The following KIF15 variants were observed in gnomAD, a reference collection of about 807,000 sequenced individuals.
KIF15 encodes kinesin-like protein KIF15.
Under a neutral mutation model 190.6 loss-of-function variants are expected in KIF15, and 140 were observed. The ratio of observed to expected loss-of-function variants is 0.73; its 90% CI spans 0.64 to 0.84. The LOEUF is 0.84. Ranked by LOEUF, KIF15 falls within the 40% of genes least tolerant of loss-of-function variation. The probability of loss-of-function intolerance (pLI) is 0.00; values close to 1 mark genes in which losing one functional copy is unlikely to be tolerated. For synonymous variants in KIF15, 528 were observed against 551.3 expected (o/e 0.96, Z 0.59); for missense variants, 1,372 against 1,584.4 (o/e 0.87, Z 2.28).
intron 6 of KIF15, among the ~76,000 whole-genome samples, chr3:44,866,568 C>G (rs2125741317): frequency 1.3e-5 from 2 of 152,318 alleles, no homozygotes; most frequent in Middle Eastern, 3.4e-3. Context: ...CATACATTTC[C>G]TGCAGTTGAG....
intron 5 of KIF15, among the ~76,000 whole-genome samples, chr3:44,782,316 C>A (rs1385741877): frequency 6.6e-6 from 1 of 152,206 alleles, no homozygotes; most frequent in East Asian, 1.9e-4. Context: ...CCTGCCTCGG[C>A]CTCCCAAAGT....
rs1575579026 is a variant in KIF15 at position 44,775,196 on chromosome 3, C to A, written c.63-58C>A. On this transcript the variant is annotated intron_variant, in intron 2 of 34. Coordinates refer to ENST00000326047, the MANE Select transcript of KIF15 (RefSeq NM_020242.3). ...TTATAGGCAATATGAGACTTGGATC[C>A]TTTTTCAGTTTTCTTCTTCAATAAA... The A allele has an allele frequency of 8.6e-6, 12 of 1,397,018 alleles. No individual in the cohort carries two copies. The East Asian group carries it at 1.4e-4, about 16-fold the overall frequency. The allele number at this position is 1,397,018 out of a possible 1,614,324, so 86.5% of individuals were successfully genotyped here.
intron 8 of KIF15, among the ~76,000 whole-genome samples, chr3:44,794,833 G>A (rs571086207): frequency 1.8e-4 from 28 of 152,006 alleles, no homozygotes; most frequent in Non-Finnish European, 3.8e-4. Flanking sequence ...GTGGTGATGC[G>A]CGCCTGTAGT....
chr3:44,766,259 A>G (rs1705369908), intron 1 of KIF15, among the ~76,000 whole-genome samples: 1 of 152,054 alleles, frequency 6.6e-6, no homozygotes, highest in South Asian at 2.1e-4. Context: ...TGGGGACTTG[A>G]GTTGGGGATG....
At chr3:44,827,648 G>A (rs568551013) in intron 23 of KIF15, 120 bp downstream of exon 23, 1 of 555,156 alleles carries the variant, frequency 1.8e-6, no homozygotes, top group Non-Finnish European at 3.2e-6. Context: ...AGAAAGAAAT[G>A]GAATTTGGGG....
Position 44,852,784 on chromosome 3 carries a change from C to G in KIF15, c.*49C>G. On this transcript the variant is annotated 3_prime_UTR_variant, in exon 35 of 35. Transcript: ENST00000326047. ...ATCACCTTGTTTGAAGATGTTTCTT[C>G]TCTTTTACAAGTAAGACCTACTCCT... The G allele has an allele frequency of 2.7e-6, 4 of 1,485,200 alleles. No individual in the cohort carries two copies. Among genetic ancestry groups the G allele is most frequent in the Non-Finnish European group, 3.7e-6 (4 of 1,088,952 alleles). The allele number at this position is 1,485,200 out of a possible 1,614,324, so 92.0% of individuals were successfully genotyped here. A position where few individuals can be genotyped will look rare whatever the true frequency, so the allele number is the denominator to read the frequency against.
At chr3:44,861,648 T>C (rs1036925348) in intron 6 of KIF15, among the ~76,000 whole-genome samples, 11 of 152,218 alleles carry the variant, frequency 7.2e-5, no homozygotes, top group Non-Finnish European at 1.2e-4. Context: ...AAGTTTACCT[T>C]CTACCACAGC....
rs1230781549 is a variant in KIF15 at position 44,827,475 on chromosome 3, C to A, written c.2803C>A (p.Leu935Ile). 4.3e-6 allele frequency: 7 copies of A among 1,611,428 alleles called. No individual in the cohort carries two copies. Among genetic ancestry groups the A allele is most frequent in the Non-Finnish European group, 5.9e-6 (7 of 1,178,250 alleles). ...ENSSKEILKV[L>I]EAVRQEKQKE... ...CTCTTCCAGAGAAATCTTAAAAGTTCTTGAGGCTGTACGTCAGGAGAAACA... is the reference window on the plus strand; with the variant it reads ...CTCTTCCAGAGAAATCTTAAAAGTTATTGAGGCTGTACGTCAGGAGAAACA... Residue 935 changes from leucine (L) to isoleucine (I), a missense_variant, in exon 23 of 35, where the codon CTT (leucine) becomes ATT (isoleucine). Physicochemically the swap from Leu to Ile is conservative, Grantham distance 5. Coordinates refer to ENST00000326047, the MANE Select transcript of KIF15 (RefSeq NM_020242.3).
At chr3:44,833,764 AAT>A (rs1291183119) in intron 26 of KIF15, among the ~76,000 whole-genome samples, 4 of 152,180 alleles carry the variant, frequency 2.6e-5, no homozygotes, top group Non-Finnish European at 5.9e-5. Flanking sequence ...GAACTGAGGT[AAT>A]ACATGGAAAG....
chr3:44,794,108 T>TA, intron 7 of KIF15, 109 bp from the exon 8 acceptor site: 1 of 831,220 alleles, frequency 1.2e-6, no homozygotes, highest in Admixed American at 2.3e-5. Context: ...CTTGAATTCC[T>TA]ATCCACAAGT....
intron 24 of KIF15, 22 bp downstream of exon 24, chr3:44,828,322 A>G (rs1697790278): frequency 6.6e-7 from 1 of 1,515,532 alleles, no homozygotes; most frequent in South Asian, 1.1e-5. Context: ...TTGAAGCTAC[A>G]TCTCTCTGTG....
At chr3:44,807,724 G>A (rs1347825374) in intron 16 of KIF15, among the ~76,000 whole-genome samples, 10 of 151,712 alleles carry the variant, frequency 6.6e-5, no homozygotes, top group African/African-American at 2.4e-5. Context: ...GTGTTTTAAA[G>A]CAATATTTTA....
At chr3:44,829,398 GTA>G (rs1697858279) in intron 24 of KIF15, among the ~76,000 whole-genome samples, 2 of 136,304 alleles carry the variant, frequency 1.5e-5, no homozygotes, top group African/African-American at 2.9e-5. Flanking sequence ...GTGTGTGTGT[GTA>G]TGTATATATA....
chr3:44,809,788 G>A (rs148595814), intron 16 of KIF15, among the ~76,000 whole-genome samples: 63 of 152,206 alleles, frequency 4.1e-4, no homozygotes, highest in African/African-American at 1.4e-3. Context: ...ATTTCTGGGC[G>A]GGGTGTGGTG....
At chr3:44,773,203 A>C (rs1244316836) in intron 1 of KIF15, among the ~76,000 whole-genome samples, 5 of 152,224 alleles carry the variant, frequency 3.3e-5, no homozygotes, top group Admixed American at 1.3e-4. Context: ...AAAGAAAAAA[A>C]AACTTTAAAT....
At chr3:44,775,929 A>C (rs79461044) in intron 3 of KIF15, among the ~76,000 whole-genome samples, 1,761 of 151,702 alleles carry the variant, frequency 0.012, 29 homozygotes, top group African/African-American at 0.039. Context: ...AAATACAAAA[A>C]ATTAGCTGGT....
In KIF15 at chr3:44,797,909, C is replaced by T. The variant is rs371503890; in HGVS notation, c.1051C>T (p.Leu351=). 1.9e-6 allele frequency: 3 copies of T among 1,613,868 alleles called. No individual in the cohort carries two copies. Among genetic ancestry groups the T allele is most frequent in the Non-Finnish European group, 2.5e-6 (3 of 1,179,950 alleles). ...HPGSRCFGET[L]STLNFAQRAK... is the part of the protein sequence containing the mutation. ...TGGATCCAGGTGTTTTGGGGAAACC[C>T]TATCAACACTTAACTTTGCTCAAAG... is the stretch of plus-strand genomic sequence containing the variant. The change falls in exon 10 of 35, where the codon CTA becomes TTA. Residue 351 remains leucine, a synonymous_variant. Transcript: ENST00000326047.
At position 44,798,967 on chromosome 3, in the gene KIF15, C is replaced by T. The variant is rs1243551196; in HGVS notation, c.1098+1011C>T. On this transcript the variant is annotated intron_variant, in intron 10 of 34. Coordinates refer to ENST00000326047, the MANE Select transcript of KIF15 (RefSeq NM_020242.3). ...CCAACTGGCTGTAAATCAGGAGGTCCATGTTGCCCCTTTCCCTGGGTAAAT... is the reference window on the plus strand; with the variant it reads ...CCAACTGGCTGTAAATCAGGAGGTCTATGTTGCCCCTTTCCCTGGGTAAAT... Among the ~76,000 whole-genome samples, 3 of 152,174 alleles carry T rather than the reference C, an allele frequency of 2.0e-5. No homozygotes were observed. In the East Asian group the frequency reaches 5.8e-4, roughly 29 times the overall value.
chr3:44,837,493 C>G (rs1178205649), intron 26 of KIF15, among the ~76,000 whole-genome samples: 1 of 152,034 alleles, frequency 6.6e-6, no homozygotes, highest in Non-Finnish European at 1.5e-5. Context: ...AGAGTGAGTA[C>G]ATGCAGAAAT....
Sources: allele counts gnomAD v4.1 joint callset (sites outside exome capture counted in the v4.1 genomes callset), GRCh38; gene constraint gnomAD v4.1.1; transcripts MANE v1.5; gene names NCBI Gene and HGNC (gene_info 2026-07-23, HGNC 2026-07-21).